CCDC171: variants seen among roughly 807,000 people sequenced by gnomAD.
CCDC171 encodes coiled-coil domain containing 171, also known as coiled-coil domain-containing protein 171.
In CCDC171, 177 loss-of-function variants were observed where a neutral mutation model predicts 168.2. The observed-to-expected ratio is 1.05, with a 90% CI of 0.93 to 1.19. CCDC171 has a LOEUF of 1.19. Ranked by LOEUF, CCDC171 falls within the 50% of genes most tolerant of loss-of-function variation. The pLI, the probability that CCDC171 is intolerant of heterozygous loss-of-function variation, is 0.00. For synonymous variants in CCDC171, 687 were observed against 540.8 expected, an observed-to-expected ratio of 1.27 and a Z score of -3.75; for missense variants, 1,991 against 1,539.0, an observed-to-expected ratio of 1.29 and a Z score of -4.91.
At chr9:15,837,579 C>T (rs573397351) in intron 21 of CCDC171, among the ~76,000 whole-genome samples, 1 of 152,274 alleles carries the variant, frequency 6.6e-6, no homozygotes, top group South Asian at 2.1e-4. Flanking sequence ...AGCACAATTC[C>T]TCAAGAAACT....
chr9:15,621,421 A>G (rs999647193), intron 6 of CCDC171, among the ~76,000 whole-genome samples: 6 of 152,176 alleles, frequency 3.9e-5, no homozygotes, highest in Non-Finnish European at 5.9e-5. Flanking sequence ...TATATGCTTT[A>G]TGGCAGTGGT....
chr9:15,586,687 CAGG>C (rs938905762), intron 4 of CCDC171, among the ~76,000 whole-genome samples: 1 of 152,118 alleles, frequency 6.6e-6, no homozygotes, highest in African/African-American at 2.4e-5. Context: ...TAGTGGAAGT[CAGG>C]AGGTTTAATC....
At chr9:15,634,428 T>C (rs1204144613) in intron 7 of CCDC171, among the ~76,000 whole-genome samples, 1 of 152,168 alleles carries the variant, frequency 6.6e-6, no homozygotes, top group African/African-American at 2.4e-5. Flanking sequence ...GTTATGATGC[T>C]GTTTAATGTG....
chr9:15,597,459 A>G (rs1285275224), intron 6 of CCDC171, among the ~76,000 whole-genome samples: 3 of 152,028 alleles, frequency 2.0e-5, no homozygotes, highest in Non-Finnish European at 2.9e-5. Context: ...ATTGATTTGC[A>G]TATGTTGAAC....
Position 15,817,024 on chromosome 9 carries a change from A to G in CCDC171, c.3268-29678A>G, listed in dbSNP as rs896405601. On this transcript the variant is annotated intron_variant, in intron 21 of 25. Coordinates refer to ENST00000380701, the MANE Select transcript of CCDC171 (RefSeq NM_173550.4). Reference sequence around the variant, plus strand: ...GTTTTATAGTTATGTGTGTGTGTGTATTTCCTTAAGGCTGTGGATGTTTTT... The same window carrying G: ...GTTTTATAGTTATGTGTGTGTGTGTGTTTCCTTAAGGCTGTGGATGTTTTT... 1.0e-3 allele frequency among the ~76,000 whole-genome samples: 121 copies of G among 117,896 alleles called. 35 individuals carry two copies. Among genetic ancestry groups the G allele is most frequent in the African/African-American group, 3.2e-3 (101 of 31,556 alleles). The allele number at this position is 117,896 out of a possible 152,430, so 77.3% of individuals were successfully genotyped here. A position where few individuals can be genotyped will look rare whatever the true frequency, so the allele number is the denominator to read the frequency against.
intron 23 of CCDC171, among the ~76,000 whole-genome samples, chr9:15,870,582 G>T (rs1229674161): frequency 1.3e-5 from 2 of 151,652 alleles, no homozygotes; most frequent in South Asian, 2.1e-4. Flanking sequence ...GTCAACCTCA[G>T]TTTTTATATA....
chr9:15,807,963 G>T (rs935227055), intron 21 of CCDC171, among the ~76,000 whole-genome samples: 3 of 151,334 alleles, frequency 2.0e-5, no homozygotes, highest in Admixed American at 1.3e-4. Flanking sequence ...CTATGCTACT[G>T]GTTGTTCAGT....
chr9:15,630,810 TA>T (rs1180617175), intron 7 of CCDC171, among the ~76,000 whole-genome samples: 6 of 152,152 alleles, frequency 3.9e-5, no homozygotes, highest in Non-Finnish European at 8.8e-5. Flanking sequence ...TGAGAAATTA[TA>T]ACAAACTGTC....
chr9:16,068,529 A>G, the CCDC171 span, among the ~76,000 whole-genome samples: 2 of 152,132 alleles, frequency 1.3e-5, no homozygotes, highest in Non-Finnish European at 2.9e-5. Context: ...AGACCCTTGA[A>G]CCATTCTCAG....
chr9:15,571,897 C>T (rs1018793539), intron 3 of CCDC171, 138 bp downstream of exon 3: 2 of 691,474 alleles, frequency 2.9e-6, no homozygotes, highest in African/African-American at 3.8e-5. Context: ...ATAAAGGAAA[C>T]ATAATTTTAA....
intron 6 of CCDC171, among the ~76,000 whole-genome samples, chr9:15,596,188 G>C (rs201804640): frequency 1.0e-3 from 157 of 151,852 alleles, no homozygotes; most frequent in South Asian, 4.2e-3. Flanking sequence ...GTTGCCATTG[G>C]TTTTGGTGTT....
At chr9:15,964,459 A>G (rs759660018) in intron 25 of CCDC171, among the ~76,000 whole-genome samples, 2 of 152,042 alleles carry the variant, frequency 1.3e-5, no homozygotes, top group Non-Finnish European at 2.9e-5. Context: ...TTGGGAATGT[A>G]TGTTTCTAAG....
At chr9:16,102,162 C>G in the CCDC171 span, among the ~76,000 whole-genome samples, 1 of 152,164 alleles carries the variant, frequency 6.6e-6, no homozygotes, top group Non-Finnish European at 1.5e-5. Flanking sequence ...GAAACAGATG[C>G]ACTGGACTAA....
At chr9:15,790,720 A>G (rs1298672944) in intron 21 of CCDC171, among the ~76,000 whole-genome samples, 2 of 152,100 alleles carry the variant, frequency 1.3e-5, no homozygotes, top group East Asian at 1.9e-4. Context: ...TAGGGTTTTT[A>G]TGGTTTCAGG....
chr9:15,745,684 A>G (rs1375391650), intron 18 of CCDC171, 53 bp downstream of exon 18: 7 of 1,060,216 alleles, frequency 6.6e-6, no homozygotes, highest in Non-Finnish European at 9.5e-6. Context: ...ACAAATATCC[A>G]GAAATTCTTT....
intron 2 of CCDC171, among the ~76,000 whole-genome samples, chr9:15,566,487 A>G (rs2039737982): frequency 6.6e-6 from 1 of 152,208 alleles, no homozygotes; most frequent in African/African-American, 2.4e-5. Flanking sequence ...TGAAGCTGGG[A>G]GGCGGAGATT....
At chr9:15,730,641 A>T (rs916014093) in intron 16 of CCDC171, among the ~76,000 whole-genome samples, 1 of 151,816 alleles carries the variant, frequency 6.6e-6, no homozygotes. Flanking sequence ...ATAAATATAT[A>T]TACACACACA....
chr9:15,794,566 A>G (rs186551786), intron 21 of CCDC171, among the ~76,000 whole-genome samples: 1 of 150,478 alleles, frequency 6.6e-6, no homozygotes, highest in East Asian at 2.0e-4. Context: ...GACTTTTCCC[A>G]CTTATTCTGT....
intron 7 of CCDC171, among the ~76,000 whole-genome samples, chr9:15,656,239 A>G (rs1343797639): frequency 6.6e-6 from 1 of 151,712 alleles, no homozygotes; most frequent in African/African-American, 2.4e-5. Context: ...GGAGAATGGT[A>G]TGAACCCGGG....
Sources: gnomAD v4.1 joint callset for allele counts (sites outside exome capture counted in the v4.1 genomes callset) on GRCh38, gnomAD v4.1.1 for gene constraint, MANE v1.5 for transcripts, NCBI Gene and HGNC (gene_info 2026-07-23, HGNC 2026-07-21) for gene names.